Variants in ABI3BP observed in about 807,000 individuals in gnomAD.
ABI3BP encodes ABI family member 3 binding protein, also known as target of Nesh-SH3.
Under a neutral mutation model 268.6 loss-of-function variants are expected in ABI3BP, and 216 were observed. That is an observed-to-expected ratio of 0.80 (90% CI 0.72 to 0.90). The LOEUF is 0.90. ABI3BP is among the 40% of genes least tolerant of loss of function. ABI3BP has a pLI of 0.00. For synonymous variants in ABI3BP, 730 were observed against 730.0 expected, an observed-to-expected ratio of 1.00 and a Z score of 0.00; for missense variants, 2,090 against 2,182.4, an observed-to-expected ratio of 0.96 and a Z score of 0.84.
At chr3:100,979,099 C>T (rs774933670) in intron 1 of ABI3BP, among the ~76,000 whole-genome samples, 58 of 152,202 alleles carry the variant, frequency 3.8e-4, no homozygotes, top group Admixed American at 5.9e-4. Flanking sequence ...GAGTCAGAAA[C>T]TCTGGGGATG....
chr3:100,867,921 T>C (rs1045402021), intron 9 of ABI3BP, among the ~76,000 whole-genome samples: 1 of 152,230 alleles, frequency 6.6e-6, no homozygotes, highest in East Asian at 1.9e-4. Context: ...AAAATGTAGA[T>C]GTTCTTTTTC....
At chr3:100,869,330 G>GGTTTTTTTTTTTTTTTTTTTTTT (rs2099085420) in intron 9 of ABI3BP, among the ~76,000 whole-genome samples, 1 of 49,754 alleles carries the variant, frequency 2.0e-5, no homozygotes, top group Non-Finnish European at 3.4e-5. Context: ...CTTCTTTTTG[G>GGTTTTTTTTTTTTTTTTTTTTTT]TTTTTTTTTT....
At chr3:100,987,757 GATA>G (rs1210328224) in intron 1 of ABI3BP, among the ~76,000 whole-genome samples, 4 of 152,118 alleles carry the variant, frequency 2.6e-5, no homozygotes, top group Admixed American at 6.5e-5. Context: ...GTGAAATGGA[GATA>G]ATAATATTTC....
chr3:100,754,124 A>C (rs2095489947), intron 64 of ABI3BP, among the ~76,000 whole-genome samples: 3 of 152,218 alleles, frequency 2.0e-5, no homozygotes. Flanking sequence ...TGAATTTCAA[A>C]AGCTGCTGCT....
At chr3:100,853,158 C>T (rs754142010) in intron 14 of ABI3BP, among the ~76,000 whole-genome samples, 14 of 152,146 alleles carry the variant, frequency 9.2e-5, no homozygotes, top group Admixed American at 7.9e-4. Flanking sequence ...TATTGTACTA[C>T]ATACTAAAGA....
intron 2 of ABI3BP, among the ~76,000 whole-genome samples, chr3:100,910,547 T>TAA (rs1237259399): frequency 3.3e-5 from 5 of 150,106 alleles, no homozygotes; most frequent in Non-Finnish European, 7.4e-5. Flanking sequence ...CCTTTTTTTT[T>TAA]AAAAAAAAAA....
chr3:100,939,158 A>G (rs546343083), intron 1 of ABI3BP, among the ~76,000 whole-genome samples: 4 of 152,204 alleles, frequency 2.6e-5, no homozygotes, highest in South Asian at 4.1e-4. Context: ...ACTCTTTGGG[A>G]ATGGAGTTTT....
chr3:100,905,604 A>G (rs1297523254), intron 2 of ABI3BP, among the ~76,000 whole-genome samples: 1 of 151,970 alleles, frequency 6.6e-6, no homozygotes, highest in Non-Finnish European at 1.5e-5. Flanking sequence ...GAATGTGCAC[A>G]TATTAAGAAG....
chr3:100,973,800 G>A (rs1372519681), intron 1 of ABI3BP, among the ~76,000 whole-genome samples: 1 of 152,116 alleles, frequency 6.6e-6, no homozygotes, highest in Non-Finnish European at 1.5e-5. Flanking sequence ...GATGACTCAT[G>A]AATACAAGAT....
At chr3:100,891,807 C>G (rs1337012593) in intron 4 of ABI3BP, among the ~76,000 whole-genome samples, 1 of 152,180 alleles carries the variant, frequency 6.6e-6, no homozygotes, top group Non-Finnish European at 1.5e-5. Flanking sequence ...ATGCTGGGTT[C>G]TGTGTGAGAT....
intron 39 of ABI3BP, 102 bp downstream of exon 39, chr3:100,820,952 T>C (rs2152654291): frequency 2.1e-6 from 2 of 934,696 alleles, no homozygotes; most frequent in East Asian, 2.6e-5. Context: ...CAGAGAATGA[T>C]GATGTAGTCT....
chr3:100,906,864 C>T (rs993713979), intron 2 of ABI3BP, among the ~76,000 whole-genome samples: 10 of 152,192 alleles, frequency 6.6e-5, no homozygotes, highest in Non-Finnish European at 1.5e-4. Context: ...AGGACGCCTG[C>T]ATTGCAAGCC....
At chr3:100,860,319 C>A (rs995812783) in intron 14 of ABI3BP, among the ~76,000 whole-genome samples, 2 of 152,158 alleles carry the variant, frequency 1.3e-5, no homozygotes, top group African/African-American at 2.4e-5. Flanking sequence ...ACATACTGTA[C>A]TGTTATTACA....
intron 4 of ABI3BP, among the ~76,000 whole-genome samples, chr3:100,887,431 A>C (rs2042492285): frequency 6.6e-6 from 1 of 152,102 alleles, no homozygotes; most frequent in African/African-American, 2.4e-5. Context: ...AGGGATAACA[A>C]ATACTGAAAG....
intron 1 of ABI3BP, among the ~76,000 whole-genome samples, chr3:100,945,185 A>C (rs2071518040): frequency 6.6e-6 from 1 of 152,186 alleles, no homozygotes; most frequent in African/African-American, 2.4e-5. Flanking sequence ...TTTTTTAAGG[A>C]AACACTAATA....
At chr3:100,757,107 A>G (rs1279590814) in intron 63 of ABI3BP, among the ~76,000 whole-genome samples, 1 of 152,146 alleles carries the variant, frequency 6.6e-6, no homozygotes, top group East Asian at 1.9e-4. Context: ...TTTCACAAAT[A>G]CTAGAACAAA....
chr3:100,862,955 A>G (rs1484798289), intron 12 of ABI3BP, 46 bp from the exon 13 acceptor site: 11 of 1,394,628 alleles, frequency 7.9e-6, no homozygotes, highest in Non-Finnish European at 1.1e-5. Flanking sequence ...GGTGAAAGTA[A>G]CAGGAAAGAT....
chr3:100,829,889 C>T (rs141138401), intron 32 of ABI3BP, among the ~76,000 whole-genome samples: 2,063 of 151,488 alleles, frequency 0.014, 20 homozygotes, highest in Admixed American at 0.022. Context: ...GAGCTTCTCA[C>T]AGGGATTCCT....
rs1215404286 is a variant in ABI3BP at position 100,885,245 on chromosome 3, C to A, written c.696+291G>T. ...GCTCTTGAAACATTATATTAAAAAG[C>A]AATAGACAGAAGATAATATGTATAA... On this transcript the variant is annotated intron_variant, in intron 6 of 67. Transcript: ENST00000471714. Among the ~76,000 whole-genome samples, 11 of 151,874 alleles carry A rather than the reference C, an allele frequency of 7.2e-5. 1 individual carries two copies.
Sources: allele counts gnomAD v4.1 joint callset (sites outside exome capture counted in the v4.1 genomes callset), GRCh38; gene constraint gnomAD v4.1.1; transcripts MANE v1.5; gene names NCBI Gene and HGNC (gene_info 2026-07-23, HGNC 2026-07-21).